The following TMEM117 variants were observed in gnomAD, a reference collection of about 807,000 sequenced individuals.
The protein encoded by TMEM117 is transmembrane protein 117.
In TMEM117, 27 loss-of-function variants were observed where a neutral mutation model predicts 52.4. The observed-to-expected ratio is 0.51, with a 90% confidence interval of 0.38 to 0.71. TMEM117 has a LOEUF of 0.71. TMEM117 is among the 30% of genes least tolerant of loss of function. TMEM117 has a pLI of 0.00. For synonymous variants in TMEM117, 215 were observed against 206.3 expected (o/e 1.04, Z -0.36); for missense variants, 556 against 630.5 (o/e 0.88, Z 1.26).
chr12:44,338,676 T>G (rs1163453141), intron 6 of TMEM117, among the ~76,000 whole-genome samples: 1 of 152,080 alleles, frequency 6.6e-6, no homozygotes, highest in African/African-American at 2.4e-5. Context: ...TCAAAAGTAT[T>G]TTTTAAATTT....
chr12:44,029,465 T>G (rs1431300742), intron 3 of TMEM117, among the ~76,000 whole-genome samples: 1 of 152,146 alleles, frequency 6.6e-6, no homozygotes, highest in African/African-American at 2.4e-5. Flanking sequence ...ATGGGGAAAC[T>G]TGAGAGCTAT....
At chr12:44,367,476 C>T (rs1270186632) in intron 6 of TMEM117, among the ~76,000 whole-genome samples, 1 of 152,070 alleles carries the variant, frequency 6.6e-6, no homozygotes, top group Non-Finnish European at 1.5e-5. Flanking sequence ...TCTTCTATTG[C>T]ATGCCATTTC....
rs1426066956 is a variant in TMEM117, at chr12:44,305,662, A to T, written c.768+5923A>T. Among the ~76,000 whole-genome samples, 4 of 152,214 alleles carry T rather than the reference A, an allele frequency of 2.6e-5. No individual in the cohort carries two copies. In the East Asian group the frequency reaches 7.7e-4, roughly 29 times the overall value. On this transcript the variant is annotated intron_variant, in intron 6 of 7. Coordinates refer to ENST00000266534, the MANE Select transcript of TMEM117 (RefSeq NM_032256.3). ...TAAAAAAGATTAAAAAGAATAACAG[A>T]TGCTGGCAAGGCTGCAGAGAAAAGG...
chr12:43,962,720 A>G (rs1287287104), intron 3 of TMEM117, among the ~76,000 whole-genome samples: 6 of 152,122 alleles, frequency 3.9e-5, no homozygotes, highest in Non-Finnish European at 7.4e-5. Context: ...GGAGATAGAG[A>G]CCATCCTGGC....
At chr12:44,181,129 T>C (rs1172488232) in intron 4 of TMEM117, among the ~76,000 whole-genome samples, 2 of 151,298 alleles carry the variant, frequency 1.3e-5, no homozygotes, top group Non-Finnish European at 3.0e-5. Context: ...TTTCATGTGT[T>C]TTTTGGCTGC....
intron 5 of TMEM117, among the ~76,000 whole-genome samples, chr12:44,272,958 C>T (rs749097989): frequency 2.0e-5 from 3 of 152,124 alleles, no homozygotes; most frequent in Non-Finnish European, 4.4e-5. Flanking sequence ...ATAGCAAAGA[C>T]CTGCAACCAA....
chr12:44,298,934 A>G (rs989605991), intron 5 of TMEM117, among the ~76,000 whole-genome samples: 1 of 150,570 alleles, frequency 6.6e-6, no homozygotes, highest in Admixed American at 6.6e-5. Flanking sequence ...CATCTGCCTT[A>G]TCTTCTTACA....
chr12:44,099,909 G>A (rs1051823775), intron 3 of TMEM117, among the ~76,000 whole-genome samples: 1 of 151,426 alleles, frequency 6.6e-6, no homozygotes, highest in African/African-American at 2.4e-5. Flanking sequence ...TAGTGGTGAG[G>A]ACATTAAGAA....
intron 5 of TMEM117, among the ~76,000 whole-genome samples, chr12:44,260,960 A>G (rs564381106): frequency 6.6e-6 from 1 of 152,346 alleles, no homozygotes; most frequent in African/African-American, 2.4e-5. Context: ...TGAACTTTAT[A>G]TAGCATGTTT....
At chr12:43,934,556 AAC>A (rs1297494248) in intron 2 of TMEM117, among the ~76,000 whole-genome samples, 2 of 152,186 alleles carry the variant, frequency 1.3e-5, no homozygotes, top group African/African-American at 4.8e-5. Flanking sequence ...TTTAGATCTG[AAC>A]ACACTATTAT....
At chr12:44,220,922 G>A (rs529143853) in intron 5 of TMEM117, among the ~76,000 whole-genome samples, 2 of 152,182 alleles carry the variant, frequency 1.3e-5, no homozygotes, top group Admixed American at 1.3e-4. Context: ...TAAGTAAATT[G>A]GAAAGAAGAG....
intron 6 of TMEM117, among the ~76,000 whole-genome samples, chr12:44,373,865 T>C (rs1266761243): frequency 7.9e-6 from 1 of 126,510 alleles, no homozygotes; most frequent in East Asian, 2.8e-4. Context: ...CACTACAACC[T>C]CCGTCTCCCG....
chr12:43,977,837 G>A (rs990286595), intron 3 of TMEM117, among the ~76,000 whole-genome samples: 7 of 152,180 alleles, frequency 4.6e-5, no homozygotes, highest in Non-Finnish European at 7.3e-5. Context: ...AAATGCAAAA[G>A]TTGAGAGAAG....
At chr12:43,873,327 G>A (rs1019658997) in intron 2 of TMEM117, among the ~76,000 whole-genome samples, 1 of 152,070 alleles carries the variant, frequency 6.6e-6, no homozygotes, top group South Asian at 2.1e-4. Context: ...TAAAAGTTAA[G>A]TATTTGAGAA....
chr12:44,299,133 T>A (rs957111737), intron 5 of TMEM117, among the ~76,000 whole-genome samples: 1 of 147,704 alleles, frequency 6.8e-6, no homozygotes. Context: ...ATTTAATTTT[T>A]TTTTTTTTTT....
chr12:44,280,345 A>G (rs1950562653), intron 5 of TMEM117, among the ~76,000 whole-genome samples: 1 of 152,142 alleles, frequency 6.6e-6, no homozygotes, highest in Non-Finnish European at 1.5e-5. Flanking sequence ...TTATTCACAT[A>G]GTCTAGAAAC....
At chr12:43,832,784 A>T (rs567743040), upstream of TMEM117, among the ~76,000 whole-genome samples, 1 of 152,342 alleles carries the variant, frequency 6.6e-6, no homozygotes, top group South Asian at 2.1e-4. Flanking sequence ...GAGATCTTGA[A>T]TGAACTACTC....
intron 4 of TMEM117, among the ~76,000 whole-genome samples, chr12:44,163,584 T>C (rs1029398520): frequency 6.6e-6 from 1 of 152,222 alleles, no homozygotes; most frequent in Admixed American, 6.5e-5. Context: ...AATAAAGATT[T>C]CTTTTAATCA....
intron 2 of TMEM117, among the ~76,000 whole-genome samples, chr12:43,886,438 A>G (rs1206356610): frequency 6.6e-6 from 1 of 152,196 alleles, no homozygotes; most frequent in Non-Finnish European, 1.5e-5. Context: ...ATTTTATAAA[A>G]GATATTTCAG....
Sources: allele counts gnomAD v4.1 joint callset (sites outside exome capture counted in the v4.1 genomes callset), GRCh38; gene constraint gnomAD v4.1.1; transcripts MANE v1.5; gene names NCBI Gene and HGNC (gene_info 2026-07-23, HGNC 2026-07-21).